The following MRPL1 variants were observed in gnomAD, a reference collection of about 807,000 sequenced individuals.
MRPL1 encodes mitochondrial ribosomal protein L1.
Under a neutral mutation model 38.0 loss-of-function variants are expected in MRPL1, and 28 were observed. The ratio of observed to expected loss-of-function variants is 0.74; its 90% CI spans 0.55 to 1.01. MRPL1 has a LOEUF of 1.01. Among genes scored for constraint, MRPL1 ranks in the 50% least tolerant of loss-of-function variants. The probability of loss-of-function intolerance (pLI) is 0.00; values close to 1 mark genes in which losing one functional copy is unlikely to be tolerated. For missense variants in MRPL1, 358 were observed against 389.8 expected, an observed-to-expected ratio of 0.92 and a Z score of 0.69; for synonymous variants, 123 against 126.7, an observed-to-expected ratio of 0.97 and a Z score of 0.20.
intron 6 of MRPL1, among the ~76,000 whole-genome samples, chr4:77,904,908 A>G (rs985184971): frequency 6.6e-6 from 1 of 152,256 alleles, no homozygotes; most frequent in African/African-American, 2.4e-5. Context: ...AAATTTTTCT[A>G]GGAGAAAATC....
intron 7 of MRPL1, among the ~76,000 whole-genome samples, chr4:77,922,193 T>C (rs969715928): frequency 2.6e-5 from 4 of 152,196 alleles, no homozygotes; most frequent in South Asian, 2.1e-4. Flanking sequence ...AGTTAGGATA[T>C]TGAAATTTTA....
chr4:77,949,194 CAG>C (rs577480533), intron 7 of MRPL1, among the ~76,000 whole-genome samples: 231 of 152,232 alleles, frequency 1.5e-3, no homozygotes, highest in African/African-American at 5.3e-3. Flanking sequence ...GAATAATAAA[CAG>C]AAAGACTTTT....
At chr4:77,866,244 GTT>G (rs1166111861) in intron 1 of MRPL1, among the ~76,000 whole-genome samples, 1 of 152,068 alleles carries the variant, frequency 6.6e-6, no homozygotes, top group Non-Finnish European at 1.5e-5. Context: ...TAGAGACGAG[GTT>G]TTGCCCTGTT....
intron 6 of MRPL1, among the ~76,000 whole-genome samples, chr4:77,904,257 A>G (rs1736103434): frequency 6.6e-6 from 1 of 151,924 alleles, no homozygotes; most frequent in African/African-American, 2.4e-5. Context: ...AAAAAAAAAA[A>G]AGGAGAAAAA....
At chr4:77,904,084 TA>T (rs61029767) in intron 6 of MRPL1, among the ~76,000 whole-genome samples, 112,037 of 148,028 alleles carry the variant, frequency 0.76, 42,968 homozygotes, top group African/African-American at 0.91. Context: ...AATCTCTACT[TA>T]AAAAAAAAAA....
At chr4:77,866,664 G>C (rs1373878849) in intron 1 of MRPL1, among the ~76,000 whole-genome samples, 3 of 151,608 alleles carry the variant, frequency 2.0e-5, no homozygotes, top group African/African-American at 7.3e-5. Context: ...TCTTGCCTTA[G>C]AATCTTTGCC....
intron 6 of MRPL1, among the ~76,000 whole-genome samples, chr4:77,907,708 G>A (rs1400555186): frequency 6.6e-6 from 1 of 151,932 alleles, no homozygotes; most frequent in Non-Finnish European, 1.5e-5. Context: ...GGGTTTACAG[G>A]CATGCGCCAC....
intron 7 of MRPL1, among the ~76,000 whole-genome samples, chr4:77,945,424 T>G (rs893267144): frequency 6.6e-6 from 1 of 152,016 alleles, no homozygotes; most frequent in Non-Finnish European, 1.5e-5. Context: ...ATCTAGAGAC[T>G]ATCAGAACAG....
chr4:77,948,643 C>T (rs756317581), intron 7 of MRPL1, among the ~76,000 whole-genome samples: 18 of 152,224 alleles, frequency 1.2e-4, no homozygotes, highest in South Asian at 8.3e-4. Context: ...TATGCTTATG[C>T]GGGGCACATT....
chr4:77,909,399 A>AAACACAT (rs770101024), intron 7 of MRPL1, 27 bp downstream of exon 7: 1 of 1,305,688 alleles, frequency 7.7e-7, no homozygotes, highest in East Asian at 2.3e-5. Context: ...ATTATCAAAT[A>AAACACAT]ATCCTCTTTT....
chr4:77,863,024 A>G (rs1156786437), intron 1 of MRPL1, 145 bp downstream of exon 1: 2 of 972,218 alleles, frequency 2.1e-6, no homozygotes, highest in Admixed American at 2.3e-5. Context: ...GTGGGTCATT[A>G]CTACTTAAAA....
chr4:77,892,797 G>A (rs1198941849), intron 5 of MRPL1, among the ~76,000 whole-genome samples: 2 of 152,128 alleles, frequency 1.3e-5, no homozygotes, highest in African/African-American at 4.8e-5. Context: ...CTGCCTCTTA[G>A]GTGTGTACAG....
intron 7 of MRPL1, among the ~76,000 whole-genome samples, chr4:77,942,168 G>A (rs1047450092): frequency 4.6e-5 from 7 of 151,844 alleles, no homozygotes; most frequent in South Asian, 2.1e-4. Context: ...TAATTTCTAC[G>A]GTTTTGAGGG....
chr4:77,923,412 A>G (rs1736625948), intron 7 of MRPL1, among the ~76,000 whole-genome samples: 1 of 151,970 alleles, frequency 6.6e-6, no homozygotes, highest in South Asian at 2.1e-4. Context: ...TGTCCTTTTA[A>G]TTGTGGATAT....
At chr4:77,922,925 C>T (rs751483524) in intron 7 of MRPL1, among the ~76,000 whole-genome samples, 1 of 152,072 alleles carries the variant, frequency 6.6e-6, no homozygotes, top group African/African-American at 2.4e-5. Flanking sequence ...GAGAAAAGGG[C>T]TGGGATAGGG....
chr4:77,894,629 A>T (rs1735874494), intron 6 of MRPL1, among the ~76,000 whole-genome samples: 1 of 152,040 alleles, frequency 6.6e-6, no homozygotes, highest in Admixed American at 6.6e-5. Context: ...ATGAATGTTG[A>T]CCATATGCAT....
chr4:77,887,754 A>G (rs934612673), intron 5 of MRPL1, among the ~76,000 whole-genome samples: 1 of 152,140 alleles, frequency 6.6e-6, no homozygotes, highest in Admixed American at 6.5e-5. Flanking sequence ...CTTGGCATCA[A>G]GCAATCCTCC....
intron 7 of MRPL1, among the ~76,000 whole-genome samples, chr4:77,936,547 C>G (rs1046445442): frequency 4.6e-5 from 7 of 152,190 alleles, no homozygotes; most frequent in Non-Finnish European, 8.8e-5. Flanking sequence ...AGCTCTCCAC[C>G]TGTTTTTGTA....
At position 77,891,116 on chromosome 4, in the gene MRPL1, T is replaced by C. The variant is rs1578044396; in HGVS notation, c.559-3023T>C. Among the ~76,000 whole-genome samples the C allele has an allele frequency of 3.3e-5, 5 of 152,222 alleles. 1 individual carries two copies. Among genetic ancestry groups the C allele is most frequent in the Admixed American group, 3.3e-4 (5 of 15,280 alleles). Reference sequence around the variant, plus strand: ...CTTTAATACAGGTTCTAGGCCAGAGTCAGTGGGACTCAGTTCTTTCTGTTG... The same window carrying C: ...CTTTAATACAGGTTCTAGGCCAGAGCCAGTGGGACTCAGTTCTTTCTGTTG... On this transcript the variant is annotated intron_variant, in intron 5 of 8. Transcript: ENST00000315567.
Sources: gnomAD v4.1 joint callset for allele counts (sites outside exome capture counted in the v4.1 genomes callset) on GRCh38, gnomAD v4.1.1 for gene constraint, MANE v1.5 for transcripts, NCBI Gene and HGNC (gene_info 2026-07-23, HGNC 2026-07-21) for gene names.